ZWINT: variants seen among roughly 807,000 people sequenced by gnomAD.
The protein encoded by ZWINT is outer kinetochore KNL1 complex subunit ZWINT.
Under a neutral mutation model 41.5 loss-of-function variants are expected in ZWINT, and 41 were observed. The observed-to-expected ratio is 0.99, with a 90% CI of 0.77 to 1.28. The LOEUF (loss-of-function observed/expected upper bound fraction) is 1.28, where lower values mean the gene tolerates loss of function less well. ZWINT is among the 50% of genes most tolerant of loss of function. The probability of loss-of-function intolerance (pLI) is 0.00; values close to 1 mark genes in which losing one functional copy is unlikely to be tolerated. For missense variants in ZWINT, 369 were observed against 329.7 expected, an observed-to-expected ratio of 1.12 and a Z score of -0.92; for synonymous variants, 132 against 126.8, an observed-to-expected ratio of 1.04 and a Z score of -0.28.
Position 56,361,214 on chromosome 10 carries a change from G to A in ZWINT, c.23C>T (p.Ala8Val), listed in dbSNP as rs766487461. The change falls in exon 1 of 9, where the codon GCG (alanine) becomes GTG (valine). Residue 8 changes from alanine to valine, a missense_variant. Transcript: ENST00000373944. MEAAETEAEAAALEVLAE... is the reference protein window; with the variant it reads MEAAETEVEAAALEVLAE... Reference sequence around the variant, plus strand: ...CACTTACTCTAGGGCTGCAGCTTCCGCCTCTGTCTCCGCTGCCTCCATCTT... The same window carrying A: ...CACTTACTCTAGGGCTGCAGCTTCCACCTCTGTCTCCGCTGCCTCCATCTT... 6.2e-7 allele frequency: 1 copy of A among 1,613,008 alleles called. No individual in the cohort carries two copies. Among genetic ancestry groups the A allele is most frequent in the Non-Finnish European group, 8.5e-7 (1 of 1,179,974 alleles).
chr10:56,360,656 G>C (rs1242856331), intron 1 of ZWINT, among the ~76,000 whole-genome samples: 6 of 152,292 alleles, frequency 3.9e-5, no homozygotes, highest in Admixed American at 1.3e-4. Flanking sequence ...ATTTTAAATA[G>C]GGAGTGTCTC....
rs1589335977 is a variant in ZWINT, at chr10:56,357,998, C to T, written c.*229G>A. ...CCAGCTCCTGTCATGTTATTGGCTT[C>T]TGAGTATCTGTATTAATAGTTGTTC... On this transcript the variant is annotated 3_prime_UTR_variant, in exon 9 of 9. Transcript: ENST00000373944. 1 of 500,854 alleles carries T rather than the reference C, an allele frequency of 2.0e-6. No individual in the cohort carries two copies. The highest frequency in any genetic ancestry group is 4.1e-6 in the Non-Finnish European group (1 of 246,178). The allele number at this position is 500,854 out of a possible 1,614,324, so 31.0% of individuals were successfully genotyped here.
chr10:56,360,475 A>G (rs1838301470), intron 1 of ZWINT, 92 bp from the exon 2 acceptor site: 1 of 1,017,826 alleles, frequency 9.8e-7, no homozygotes, highest in African/African-American at 1.6e-5. Flanking sequence ...GGATGTGTAT[A>G]TCAGTATATA....
intron 1 of ZWINT, 134 bp from the exon 2 acceptor site, chr10:56,360,517 T>C: frequency 1.3e-6 from 1 of 757,040 alleles, no homozygotes; most frequent in Non-Finnish European, 2.1e-6. Flanking sequence ...GACCAGAGTT[T>C]ACACAAGGGC....
intron 1 of ZWINT, 45 bp from the exon 2 acceptor site, chr10:56,360,428 C>G: frequency 1.3e-6 from 2 of 1,525,766 alleles, no homozygotes; most frequent in Non-Finnish European, 1.8e-6. Flanking sequence ...TCTTGTGGTG[C>G]TAGTTCTACA....
At chr10:56,359,583 A>G (rs771521511) in intron 4 of ZWINT, 51 bp from the exon 5 acceptor site, 2 of 1,570,340 alleles carry the variant, frequency 1.3e-6, no homozygotes, top group South Asian at 2.4e-5. Context: ...TTTTCTGGCT[A>G]GAATTTTGGG....
chr10:56,359,427 C>G (rs1838262127), intron 5 of ZWINT, 49 bp downstream of exon 5: 3 of 1,492,742 alleles, frequency 2.0e-6, no homozygotes, highest in African/African-American at 2.8e-5. Flanking sequence ...ACAGCCGATA[C>G]AATGGCATGG....
rs371662993 is a variant in ZWINT at position 56,357,413 on chromosome 10, T to C, written c.*814A>G. ...ATAGGAAATGCTATGAATTGAATGA[T>C]TGTGAAAATAAAGGAAGTCAGAAGA... On this transcript the variant is annotated 3_prime_UTR_variant, in exon 9 of 9. Coordinates refer to ENST00000373944, the MANE Select transcript of ZWINT (RefSeq NM_007057.4). 32 of 152,288 alleles carry C rather than the reference T, an allele frequency of 2.1e-4. No individual in the cohort carries two copies. The highest frequency in any genetic ancestry group is 7.5e-4 in the African/African-American group (31 of 41,556). The allele number at this position is 152,288 out of a possible 1,614,324, so 9.4% of individuals were successfully genotyped here.
rs767935299 is a variant in ZWINT, at chr10:56,360,382, C to T, written c.43G>A (p.Val15Ile). ...ETEAEAAALE[V>I]LAEVAGILEP... ...AAGATGCCTGCCACCTCAGCCAGGA[C>T]CCTGGAGGGGCAAGGAAACACAGGA... is the stretch of plus-strand genomic sequence containing the variant. Residue 15 changes from valine (V) to isoleucine (I), a missense_variant and splice_region_variant, in exon 2 of 9, where the codon GTC becomes ATC. Val to Ile is a conservative substitution (Grantham distance 29). Transcript: ENST00000373944. The T allele has an allele frequency of 3.1e-6, 5 of 1,613,764 alleles. No individual in the cohort carries two copies. The highest frequency in any genetic ancestry group is 3.3e-5 in the Admixed American group (2 of 59,962).
chr10:56,357,953 A>G lies in ZWINT; in HGVS notation c.*274T>C, dbSNP rs1838208998. The G allele has an allele frequency of 2.3e-6, 1 of 428,258 alleles. No individual in the cohort carries two copies. The highest frequency in any genetic ancestry group is 2.0e-5 in the African/African-American group (1 of 49,582). The allele number at this position is 428,258 out of a possible 1,614,324, so 26.5% of individuals were successfully genotyped here. A position where few individuals can be genotyped will look rare whatever the true frequency, so the allele number is the denominator to read the frequency against. On this transcript the variant is annotated 3_prime_UTR_variant, in exon 9 of 9. Transcript: ENST00000373944. ...GCCAGTACCCCCTCCCCATCTGCACACCCTGTGTTCAAACCAGTCCCAGCT... is the reference window on the plus strand; with the variant it reads ...GCCAGTACCCCCTCCCCATCTGCACGCCCTGTGTTCAAACCAGTCCCAGCT...
chr10:56,359,484 G>T lies in ZWINT; in HGVS notation c.472C>A (p.Leu158Ile). The change falls in exon 5 of 9, where the codon CTA becomes ATA. Residue 158 changes from leucine (L) to isoleucine (I), a missense_variant. Leu to Ile is a conservative substitution (Grantham distance 5). Coordinates refer to ENST00000373944, the MANE Select transcript of ZWINT (RefSeq NM_007057.4). ...TAGGGGGACGAACCTACCTGTTGTA[G>T]CTGCCACTGGTTCTGGACTGCTCTG... ...KRRAVQNQWQ[L>I]QQEKHLQHLA... 1 of 1,534,764 alleles carries T rather than the reference G, an allele frequency of 6.5e-7. No homozygotes were observed. Among genetic ancestry groups the T allele is most frequent in the Non-Finnish European group, 8.7e-7 (1 of 1,144,664 alleles).
chr10:56,359,612 A>C (rs1838270449), intron 4 of ZWINT, 75 bp downstream of exon 4: 1 of 1,594,960 alleles, frequency 6.3e-7, no homozygotes, highest in South Asian at 1.1e-5. Context: ...AGCTGGCACA[A>C]CTCAGCTTGC....
At position 56,358,414 on chromosome 10, in the gene ZWINT, G is replaced by C. The variant is rs747308958; in HGVS notation, c.*4C>G. ...CTTTCTCCATGCTGCTGTCCTCCAGGAAGTCATGGCAAATTTACATCTCCA... is the reference window on the plus strand; with the variant it reads ...CTTTCTCCATGCTGCTGTCCTCCAGCAAGTCATGGCAAATTTACATCTCCA... On this transcript the variant is annotated 3_prime_UTR_variant, in exon 8 of 9. Transcript: ENST00000373944. 3.1e-6 allele frequency: 5 copies of C among 1,613,974 alleles called. No homozygotes were observed. The East Asian group carries it at 1.1e-4, about 36-fold the overall frequency.
Position 56,361,096 on chromosome 10 carries a change from C to A in ZWINT, c.41+100G>T, listed in dbSNP as rs1838322965. On this transcript the variant is annotated intron_variant, in intron 1 of 8. Transcript: ENST00000373944. ...ATCACTTCACGGCAGGGTCGAACCT[C>A]AACAGCTGTACAGGGTCGAGGGCAC... 2.9e-6 allele frequency: 4 copies of A among 1,382,878 alleles called. No homozygotes were observed. The Admixed American group carries it at 8.1e-5, about 28-fold the overall frequency. The allele number at this position is 1,382,878 out of a possible 1,614,324, so 85.7% of individuals were successfully genotyped here.
In ZWINT at chr10:56,360,374, A is replaced by C. The variant is rs1195758065; in HGVS notation, c.51T>G (p.Ala17=). ...CAGGTTCCAAGATGCCTGCCACCTC[A>C]GCCAGGACCCTGGAGGGGCAAGGAA... The part of the protein sequence containing the change: ...EAEAAALEVL[A]EVAGILEPVG... The change falls in exon 2 of 9, where the codon GCT becomes GCG. Residue 17 remains alanine (A), a synonymous_variant. Coordinates refer to ENST00000373944, the MANE Select transcript of ZWINT (RefSeq NM_007057.4). 1.4e-5 allele frequency: 23 copies of C among 1,614,122 alleles called. No homozygotes were observed. Among genetic ancestry groups the C allele is most frequent in the Non-Finnish European group, 1.9e-5 (23 of 1,179,996 alleles).
rs1403071040 is a variant in ZWINT, at chr10:56,357,789, G to T, written c.*438C>A. 2 of 331,612 alleles carry T rather than the reference G, an allele frequency of 6.0e-6. No individual in the cohort carries two copies. Among genetic ancestry groups the T allele is most frequent in the African/African-American group, 4.3e-5 (2 of 46,048 alleles). 20.5% of individuals were successfully genotyped at this position (331,612 alleles called of 1,614,324 possible). A position where few individuals can be genotyped will look rare whatever the true frequency, so the allele number is the denominator to read the frequency against. ...CTGTTATAATTCTGGTTCACCGCAA[G>T]AACCTTAGCACAAAGAAAGGACTCA... On this transcript the variant is annotated 3_prime_UTR_variant, in exon 9 of 9. Coordinates refer to ENST00000373944, the MANE Select transcript of ZWINT (RefSeq NM_007057.4).
rs1427092434 is a variant in ZWINT at position 56,357,694 on chromosome 10, G to C, written c.*533C>G. On this transcript the variant is annotated 3_prime_UTR_variant, in exon 9 of 9. Transcript: ENST00000373944. ...AAACCAGTGATCGAGAAATGTTTTA[G>C]ATAAGGCACAAAAAGATACCAAGAA... The C allele has an allele frequency of 5.1e-6, 1 of 196,150 alleles. No individual in the cohort carries two copies. The highest frequency in any genetic ancestry group is 1.1e-5 in the Non-Finnish European group (1 of 94,564). 12.2% of individuals were successfully genotyped at this position (196,150 alleles called of 1,614,324 possible).
chr10:56,357,945 A>G lies in ZWINT; in HGVS notation c.*282T>C, dbSNP rs1838208747. The stretch of plus-strand genomic sequence containing the variant: ...GGCCCAAGGCCAGTACCCCCTCCCC[A>G]TCTGCACACCCTGTGTTCAAACCAG... On this transcript the variant is annotated 3_prime_UTR_variant, in exon 9 of 9. Coordinates refer to ENST00000373944, the MANE Select transcript of ZWINT (RefSeq NM_007057.4). 1 of 417,314 alleles carries G rather than the reference A, an allele frequency of 2.4e-6. No homozygotes were observed. The highest frequency in any genetic ancestry group is 1.8e-5 in the South Asian group (1 of 55,870). The allele number at this position is 417,314 out of a possible 1,614,324, so 25.9% of individuals were successfully genotyped here.
In ZWINT at chr10:56,359,521, G is replaced by A. The variant is rs1777754785; in HGVS notation, c.435C>T (p.Ala145=). Residue 145 remains alanine, a synonymous_variant, in exon 5 of 9, where the codon GCC becomes GCT. Coordinates refer to ENST00000373944, the MANE Select transcript of ZWINT (RefSeq NM_007057.4). The part of the protein sequence containing the change: ...FEQLQAKKQM[A]MEKRRAVQNQ... ...TCTGGACTGCTCTGCGTTTCTCCAT[G>A]GCCATTTGTTTCTACAGATAAGCAA... The A allele has an allele frequency of 1.3e-6, 2 of 1,554,032 alleles. No individual in the cohort carries two copies. Among genetic ancestry groups the A allele is most frequent in the Non-Finnish European group, 1.7e-6 (2 of 1,154,470 alleles).
Sources: allele counts gnomAD v4.1 joint callset (sites outside exome capture counted in the v4.1 genomes callset), GRCh38; gene constraint gnomAD v4.1.1; transcripts MANE v1.5; gene names NCBI Gene and HGNC (gene_info 2026-07-23, HGNC 2026-07-21).